The following MLLT3 variants were observed in gnomAD, a reference collection of about 807,000 sequenced individuals.
MLLT3 encodes protein AF-9.
Under a neutral mutation model 53.2 loss-of-function variants are expected in MLLT3, and 4 were observed. The observed-to-expected ratio is 0.08, with a 90% CI of 0.04 to 0.17. MLLT3 has a LOEUF of 0.17. Among genes scored for constraint, MLLT3 ranks in the 10% least tolerant of loss-of-function variants. The pLI, the probability that MLLT3 is intolerant of heterozygous loss-of-function variation, is 1.00. For missense variants in MLLT3, 569 were observed against 684.0 expected (o/e 0.83, Z 1.87); for synonymous variants, 283 against 230.6 (o/e 1.23, Z -2.06).
chr9:20,584,546 G>A (rs1195476902), intron 2 of MLLT3, among the ~76,000 whole-genome samples: 1 of 152,182 alleles, frequency 6.6e-6, no homozygotes, highest in African/African-American at 2.4e-5. Context: ...GTGGCTGGGA[G>A]GCCTCAGTAT....
At chr9:20,456,828 G>C (rs373564699) in intron 2 of MLLT3, 42 bp from the exon 3 acceptor site, 3 of 1,327,490 alleles carry the variant, frequency 2.3e-6, no homozygotes, top group South Asian at 1.3e-5. Flanking sequence ...GAGAATAATA[G>C]ACAAAAAGAC....
chr9:20,596,969 C>G (rs1387030663), intron 2 of MLLT3, among the ~76,000 whole-genome samples: 1 of 152,086 alleles, frequency 6.6e-6, no homozygotes, highest in African/African-American at 2.4e-5. Flanking sequence ...TTTCTTTCAA[C>G]AATGTTTTGT....
chr9:20,365,499 G>A (rs1263511012), intron 6 of MLLT3, among the ~76,000 whole-genome samples, 170 bp downstream of exon 6: 1 of 152,090 alleles, frequency 6.6e-6, no homozygotes, highest in Non-Finnish European at 1.5e-5. Flanking sequence ...CACCACGCCT[G>A]GCTAATTTTT....
At chr9:20,481,465 C>A (rs902347942) in intron 2 of MLLT3, among the ~76,000 whole-genome samples, 3 of 152,134 alleles carry the variant, frequency 2.0e-5, no homozygotes, top group Non-Finnish European at 2.9e-5. Context: ...AAGTCCCACA[C>A]CCCAACATAA....
chr9:20,571,584 T>TC (rs1401771672), intron 2 of MLLT3, among the ~76,000 whole-genome samples: 2 of 152,048 alleles, frequency 1.3e-5, no homozygotes, highest in Non-Finnish European at 2.9e-5. Flanking sequence ...ATGCTATCCC[T>TC]CCCCTAGCCT....
chr9:20,410,128 A>G (rs1822688165), intron 5 of MLLT3, among the ~76,000 whole-genome samples: 1 of 152,194 alleles, frequency 6.6e-6, no homozygotes, highest in African/African-American at 2.4e-5. Context: ...TTGTGACGAC[A>G]AAATTCAGAG....
chr9:20,482,833 T>G (rs971635985), intron 2 of MLLT3, among the ~76,000 whole-genome samples: 6 of 152,334 alleles, frequency 3.9e-5, no homozygotes, highest in Middle Eastern at 3.4e-3. Context: ...CCCACACCTC[T>G]GTCCTTGCCA....
At chr9:20,586,304 A>T (rs148089776) in intron 2 of MLLT3, among the ~76,000 whole-genome samples, 1 of 151,768 alleles carries the variant, frequency 6.6e-6, no homozygotes, top group East Asian at 1.9e-4. Flanking sequence ...TGGGTGACAG[A>T]GCAAGACCCC....
intron 2 of MLLT3, among the ~76,000 whole-genome samples, chr9:20,581,535 C>T (rs1179831740): frequency 1.3e-5 from 2 of 151,880 alleles, no homozygotes; most frequent in Non-Finnish European, 2.9e-5. Flanking sequence ...AATTTTTTTT[C>T]CCTTAAACTA....
chr9:20,359,969 G>A (rs776207514), intron 8 of MLLT3, among the ~76,000 whole-genome samples: 5 of 152,212 alleles, frequency 3.3e-5, no homozygotes, highest in South Asian at 2.1e-4. Context: ...AAAATATCCC[G>A]ATTTAATTTA....
In MLLT3 at chr9:20,621,732, C is replaced by T. The variant is rs943071981; in HGVS notation, c.12+513G>A. ...CGTGCGGCCCCGCCGCTGTCAGCCCCGCACACTTCGGCTCACACACGCGCG... is the reference window on the plus strand; with the variant it reads ...CGTGCGGCCCCGCCGCTGTCAGCCCTGCACACTTCGGCTCACACACGCGCG... On this transcript the variant is annotated intron_variant, in intron 1 of 10. Transcript: ENST00000380338. This position sits in a 1 kb window ranked among gnomAD's most constrained non-coding sequence, Gnocchi z 7.0. 1 of 1,489,728 alleles carries T rather than the reference C, an allele frequency of 6.7e-7. No homozygotes were observed. Among genetic ancestry groups the T allele is most frequent in the Non-Finnish European group, 8.9e-7 (1 of 1,125,568 alleles). 92.3% of individuals were successfully genotyped at this position (1,489,728 alleles called of 1,614,324 possible). A position where few individuals can be genotyped will look rare whatever the true frequency, so the allele number is the denominator to read the frequency against.
intron 2 of MLLT3, among the ~76,000 whole-genome samples, chr9:20,543,041 C>T (rs1256509149): frequency 6.6e-6 from 1 of 152,198 alleles, no homozygotes; most frequent in Non-Finnish European, 1.5e-5. Flanking sequence ...CTCCTCTCAG[C>T]CTTCAAAGAA....
At chr9:20,580,110 A>C (rs997818874) in intron 2 of MLLT3, among the ~76,000 whole-genome samples, 1 of 152,188 alleles carries the variant, frequency 6.6e-6, no homozygotes, top group African/African-American at 2.4e-5. Flanking sequence ...TCACAGTACA[A>C]AAAGTCTACT....
At chr9:20,617,769 G>A (rs1820872632) in intron 2 of MLLT3, among the ~76,000 whole-genome samples, 1 of 152,050 alleles carries the variant, frequency 6.6e-6, no homozygotes, top group Non-Finnish European at 1.5e-5. Flanking sequence ...CTAAGATTTT[G>A]TGCCATTAGT....
intron 2 of MLLT3, among the ~76,000 whole-genome samples, chr9:20,512,926 T>C (rs1223264305): frequency 6.6e-6 from 1 of 152,226 alleles, no homozygotes; most frequent in Non-Finnish European, 1.5e-5. Flanking sequence ...AAATAATACA[T>C]ACATACTCCA....
intron 2 of MLLT3, among the ~76,000 whole-genome samples, chr9:20,613,826 T>C (rs1025191370): frequency 6.6e-6 from 1 of 152,104 alleles, no homozygotes; most frequent in Non-Finnish European, 1.5e-5. Context: ...GGAGGAAAGT[T>C]TGGTAATATA....
At chr9:20,476,118 A>C (rs1453607351) in intron 2 of MLLT3, among the ~76,000 whole-genome samples, 1 of 151,970 alleles carries the variant, frequency 6.6e-6, no homozygotes, top group Admixed American at 6.6e-5. Flanking sequence ...GCTGGAGTGC[A>C]GTCACGCAAT....
intron 2 of MLLT3, among the ~76,000 whole-genome samples, chr9:20,583,763 G>A (rs1205485389): frequency 6.6e-6 from 1 of 152,156 alleles, no homozygotes; most frequent in African/African-American, 2.4e-5. Flanking sequence ...GCTGCACACA[G>A]CATGGGGACC....
intron 2 of MLLT3, among the ~76,000 whole-genome samples, chr9:20,537,794 T>G (rs868516589): frequency 6.6e-6 from 1 of 152,178 alleles, no homozygotes; most frequent in African/African-American, 2.4e-5. Context: ...AAGTCTAAGT[T>G]GCAAAATGTA....
Sources: allele counts gnomAD v4.1 joint callset (sites outside exome capture counted in the v4.1 genomes callset), GRCh38; gene constraint gnomAD v4.1.1; non-coding constraint Gnocchi (gnomAD v3.1); transcripts MANE v1.5; gene names NCBI Gene and HGNC (gene_info 2026-07-23, HGNC 2026-07-21).